PCDHGA9: variants seen among roughly 807,000 people sequenced by gnomAD.
PCDHGA9 encodes protocadherin gamma subfamily A, 9.
A neutral mutation model predicts 62.5 loss-of-function variants in PCDHGA9; 37 were observed. That is an observed-to-expected ratio of 0.59 (90% CI 0.46 to 0.78). The LOEUF (loss-of-function observed/expected upper bound fraction) is 0.78, where lower values mean the gene tolerates loss of function less well. PCDHGA9 is among the 30% of genes least tolerant of loss of function. The pLI is 0.00. For missense variants in PCDHGA9, 1,138 were observed against 1,166.2 expected, an observed-to-expected ratio of 0.98 and a Z score of 0.35; for synonymous variants, 459 against 484.6, an observed-to-expected ratio of 0.95 and a Z score of 0.69.
At chr5:141,405,422 GTT>G in intron 1 of PCDHGA9, 46 bp downstream of exon 1, 2 of 1,509,830 alleles carry the variant, frequency 1.3e-6, no homozygotes, top group Non-Finnish European at 1.8e-6. Context: ...TTTGTTTTTT[GTT>G]TTGTTTTGTT....
rs755254491 is a variant in PCDHGA9, at chr5:141,409,746, T to TCG, written c.2424+4374_2424+4375dup. On this transcript the variant is annotated intron_variant, in intron 1 of 3. Transcript: ENST00000573521. ...GTGAGCGCGCAGAGCGGGGTGGTGT[T>TCG]CGCGCAGCGCGCCTTTGATCACGAG... The TCG allele has an allele frequency of 3.1e-6, 5 of 1,613,024 alleles. No homozygotes were observed. The South Asian group carries it at 5.5e-5, about 18-fold the overall frequency.
At chr5:141,505,260 C>T in intron 2 of PCDHGA9, 133 bp from the exon 3 acceptor site, 2 of 1,502,832 alleles carry the variant, frequency 1.3e-6, no homozygotes, top group South Asian at 1.3e-5. Context: ...TGCCTCCTAC[C>T]TTGCTGAGAG....
intron 1 of PCDHGA9, chr5:141,418,478 G>A (rs777772131): frequency 1.2e-6 from 2 of 1,613,858 alleles, no homozygotes; most frequent in Non-Finnish European, 1.7e-6. Flanking sequence ...AACGCAGAGC[G>A]CTCACCACTT....
In PCDHGA9 at chr5:141,405,262, C is replaced by A. The variant is rs1352663124; in HGVS notation, c.2310C>A (p.Phe770Leu). ...ACTCAAGGAAGAGTCACCTGATCTT[C>A]CCCCAGCCCAACTATGCAGACACAC... Reference protein sequence around the residue: ...TADSRKSHLIFPQPNYADTLI... With the variant: ...TADSRKSHLILPQPNYADTLI... Residue 770 changes from phenylalanine to leucine, a missense_variant, in exon 1 of 4, where the codon TTC becomes TTA. Coordinates refer to ENST00000573521, the MANE Select transcript of PCDHGA9 (RefSeq NM_018921.3). The A allele has an allele frequency of 2.5e-6, 4 of 1,614,012 alleles. No individual in the cohort carries two copies. In the African/African-American group the frequency reaches 5.3e-5, roughly 22 times the overall value.
intron 1 of PCDHGA9, chr5:141,422,005 A>G (rs2154549470): frequency 6.2e-7 from 1 of 1,609,814 alleles, no homozygotes; most frequent in Middle Eastern, 1.7e-4. Context: ...CAGCTCCGGA[A>G]CTCGGGTGCT....
chr5:141,484,512 G>A (rs1178383152), intron 1 of PCDHGA9, among the ~76,000 whole-genome samples: 47 of 152,196 alleles, frequency 3.1e-4, no homozygotes, highest in Non-Finnish European at 4.0e-4. Context: ...TTCTGCAGAA[G>A]GGCAGAGTTT....
chr5:141,439,226 G>A (rs1337835258), intron 1 of PCDHGA9, among the ~76,000 whole-genome samples: 1 of 151,442 alleles, frequency 6.6e-6, no homozygotes, highest in African/African-American at 2.4e-5. Flanking sequence ...AAAATTCTTA[G>A]AAGCTTCCTA....
rs184835272 is a variant in PCDHGA9, at chr5:141,470,234, C to A, written c.2425-24573C>A. ...AACCATTCAGCTTCTTCACCAAACC[C>A]TTGAATGTCCCACCTGTCTAAATGG... On this transcript the variant is annotated intron_variant, in intron 1 of 3. Transcript: ENST00000573521. Among the ~76,000 whole-genome samples, 6 of 152,288 alleles carry A rather than the reference C, an allele frequency of 3.9e-5. No individual in the cohort carries two copies. The East Asian group carries it at 9.6e-4, about 24-fold the overall frequency.
chr5:141,433,642 C>A (rs1457700205), intron 1 of PCDHGA9, among the ~76,000 whole-genome samples: 2 of 152,170 alleles, frequency 1.3e-5, no homozygotes, highest in South Asian at 2.1e-4. Context: ...TTGAGACCAG[C>A]CTGACCAACA....
chr5:141,482,995 G>A (rs1395482427), intron 1 of PCDHGA9, among the ~76,000 whole-genome samples: 1 of 152,048 alleles, frequency 6.6e-6, no homozygotes, highest in Non-Finnish European at 1.5e-5. Flanking sequence ...CGAGGCAGGA[G>A]AATTGCTTGA....
intron 1 of PCDHGA9, chr5:141,407,995 C>A: frequency 1.2e-6 from 1 of 869,524 alleles, no homozygotes. Flanking sequence ...AGCCTCTGGC[C>A]TGGGATTCCC....
chr5:141,457,058 T>C (rs756862311), intron 1 of PCDHGA9, among the ~76,000 whole-genome samples: 1 of 152,230 alleles, frequency 6.6e-6, no homozygotes, highest in South Asian at 2.1e-4. Flanking sequence ...TCATGCTTCC[T>C]TTTTGCCAGT....
intron 1 of PCDHGA9, among the ~76,000 whole-genome samples, chr5:141,454,172 CAGCTAAAGG>C (rs1351117555): frequency 6.6e-6 from 1 of 152,126 alleles, no homozygotes; most frequent in Admixed American, 6.5e-5. Context: ...TCTAGAAGGG[CAGCTAAAGG>C]AGCTTAGTGA....
intron 1 of PCDHGA9, among the ~76,000 whole-genome samples, chr5:141,473,017 AGAAG>A (rs1484773075): frequency 7.0e-4 from 107 of 151,874 alleles, no homozygotes; most frequent in Middle Eastern, 3.4e-3. Flanking sequence ...AGAAAAAGAA[AGAAG>A]GAAGGAAGGA....
chr5:141,488,540 A>C (rs901890616), intron 1 of PCDHGA9, among the ~76,000 whole-genome samples: 6 of 152,146 alleles, frequency 3.9e-5, no homozygotes, highest in Admixed American at 2.0e-4. Context: ...GCTAAGTCCC[A>C]TGTCAGCTGA....
Position 141,487,243 on chromosome 5 carries a change from C to T in PCDHGA9, c.2425-7564C>T. 1 of 1,614,114 alleles carries T rather than the reference C, an allele frequency of 6.2e-7. No individual in the cohort carries two copies. The highest frequency in any genetic ancestry group is 8.5e-7 in the Non-Finnish European group (1 of 1,180,000). Reference sequence around the variant, plus strand: ...CAAGGGAAGGAGAATCTCGTCTAACCCTCTACTTGGCTGTGTCCCTAGTGG... The same window carrying T: ...CAAGGGAAGGAGAATCTCGTCTAACTCTCTACTTGGCTGTGTCCCTAGTGG... On this transcript the variant is annotated intron_variant, in intron 1 of 3. Coordinates refer to ENST00000573521, the MANE Select transcript of PCDHGA9 (RefSeq NM_018921.3). The surrounding 1 kb of genome is among the most constrained non-coding windows in gnomAD (Gnocchi z 5.0).
chr5:141,446,469 T>C (rs538381725), intron 1 of PCDHGA9, among the ~76,000 whole-genome samples: 2 of 149,740 alleles, frequency 1.3e-5, no homozygotes, highest in South Asian at 4.2e-4. Flanking sequence ...TGATTAGACA[T>C]ATGGTCATCA....
chr5:141,430,033 C>T (rs556099456), intron 1 of PCDHGA9, among the ~76,000 whole-genome samples: 1 of 152,066 alleles, frequency 6.6e-6, no homozygotes, highest in Non-Finnish European at 1.5e-5. Context: ...AAGTGTGATT[C>T]TGATAATGTA....
At chr5:141,417,460 A>G (rs1160577617) in intron 1 of PCDHGA9, 1 of 180,404 alleles carries the variant, frequency 5.5e-6, no homozygotes, top group Non-Finnish European at 1.1e-5. Flanking sequence ...GACCAAGTGG[A>G]AATATATTTC....
Sources: gnomAD v4.1 joint callset for allele counts (sites outside exome capture counted in the v4.1 genomes callset) on GRCh38, gnomAD v4.1.1 for gene constraint, Gnocchi (gnomAD v3.1) non-coding constraint, MANE v1.5 for transcripts, NCBI Gene and HGNC (gene_info 2026-07-23, HGNC 2026-07-21) for gene names.